The following CNTN5 variants were observed in gnomAD, a reference collection of about 807,000 sequenced individuals.
The protein encoded by CNTN5 is contactin 5.
A neutral mutation model predicts 129.1 loss-of-function variants in CNTN5; 77 were observed. That is an observed-to-expected ratio of 0.60 (90% CI 0.50 to 0.72). The LOEUF (loss-of-function observed/expected upper bound fraction) is 0.72, where lower values mean the gene tolerates loss of function less well. CNTN5 is among the 30% of genes least tolerant of loss of function. The probability of loss-of-function intolerance (pLI) is 0.00; values close to 1 mark genes in which losing one functional copy is unlikely to be tolerated. For synonymous variants in CNTN5, 509 were observed against 465.6 expected (o/e 1.09, Z -1.20); for missense variants, 1,478 against 1,328.8 (o/e 1.11, Z -1.75).
At chr11:99,960,216 G>C (rs1049081432) in intron 8 of CNTN5, among the ~76,000 whole-genome samples, 18 of 152,052 alleles carry the variant, frequency 1.2e-4, no homozygotes, top group African/African-American at 3.6e-4. Flanking sequence ...TAAGTTTACT[G>C]TTGCTTATCC....
intron 13 of CNTN5, among the ~76,000 whole-genome samples, chr11:100,124,679 C>T (rs1404170957): frequency 6.6e-6 from 1 of 152,018 alleles, no homozygotes; most frequent in East Asian, 1.9e-4. Flanking sequence ...CAGCAAAAGA[C>T]ATTTATCTTC....
At chr11:100,241,112 T>A (rs1949732352) in intron 16 of CNTN5, among the ~76,000 whole-genome samples, 1 of 152,214 alleles carries the variant, frequency 6.6e-6, no homozygotes, top group Non-Finnish European at 1.5e-5. Context: ...CATTAGCTCA[T>A]CTGTTCTTAG....
chr11:99,183,765 T>C (rs762704970), intron 1 of CNTN5, among the ~76,000 whole-genome samples: 141 of 152,254 alleles, frequency 9.3e-4, no homozygotes, highest in Non-Finnish European at 1.5e-3. Flanking sequence ...CCAACCTAAC[T>C]GCGTAAACTC....
chr11:100,134,147 G>C (rs970123698), intron 13 of CNTN5, among the ~76,000 whole-genome samples: 2 of 152,158 alleles, frequency 1.3e-5, no homozygotes, highest in Non-Finnish European at 2.9e-5. Context: ...GCAGGAGATA[G>C]AGAAGGGCTC....
intron 1 of CNTN5, among the ~76,000 whole-genome samples, chr11:99,212,910 G>A (rs932096827): frequency 1.3e-5 from 2 of 152,022 alleles, no homozygotes; most frequent in Admixed American, 6.6e-5. Context: ...TATATTTCCT[G>A]TCTGGGCGCA....
chr11:99,331,068 C>T (rs2656147), intron 2 of CNTN5, among the ~76,000 whole-genome samples: 150,585 of 152,164 alleles, frequency 0.99, 74,531 homozygotes, highest in East Asian at 1. Context: ...CAGGAAGACT[C>T]GATTTTCAAG....
chr11:99,901,169 A>G (rs1949346766), intron 6 of CNTN5, among the ~76,000 whole-genome samples: 2 of 152,218 alleles, frequency 1.3e-5, no homozygotes, highest in Non-Finnish European at 2.9e-5. Context: ...TATTCAGTAA[A>G]TGGTAGCTAT....
chr11:99,987,989 A>G (rs1294768074), intron 8 of CNTN5, among the ~76,000 whole-genome samples: 1 of 152,228 alleles, frequency 6.6e-6, no homozygotes, highest in African/African-American at 2.4e-5. Context: ...ATTCCCATCC[A>G]CTTTACATCT....
At chr11:99,190,353 T>G (rs1014570493) in intron 1 of CNTN5, among the ~76,000 whole-genome samples, 7 of 151,600 alleles carry the variant, frequency 4.6e-5, no homozygotes, top group African/African-American at 1.7e-4. Flanking sequence ...TTTATTTATT[T>G]ATTTTTCAAG....
At chr11:99,482,121 G>A (rs1032679757) in intron 2 of CNTN5, among the ~76,000 whole-genome samples, 1 of 152,068 alleles carries the variant, frequency 6.6e-6, no homozygotes, top group African/African-American at 2.4e-5. Flanking sequence ...CAATAAAAAT[G>A]CATTATTAAT....
At chr11:99,037,283 A>G (rs746028671) in intron 1 of CNTN5, among the ~76,000 whole-genome samples, 5 of 152,184 alleles carry the variant, frequency 3.3e-5, no homozygotes, top group African/African-American at 4.8e-5. Context: ...TGATGGGATA[A>G]TCTTTCAGAG....
chr11:99,857,372 C>T (rs763918501), intron 6 of CNTN5, among the ~76,000 whole-genome samples: 2 of 152,100 alleles, frequency 1.3e-5, no homozygotes, highest in East Asian at 1.9e-4. Flanking sequence ...ACAGTAGCCA[C>T]TACCCTCAAA....
intron 1 of CNTN5, among the ~76,000 whole-genome samples, chr11:99,257,872 A>G (rs1458531967): frequency 2.0e-5 from 3 of 152,084 alleles, no homozygotes; most frequent in Admixed American, 6.6e-5. Context: ...AGTAATTATC[A>G]AGTATGTCAC....
chr11:100,118,314 C>T (rs572555278), intron 13 of CNTN5, among the ~76,000 whole-genome samples: 1 of 151,886 alleles, frequency 6.6e-6, no homozygotes, highest in South Asian at 2.1e-4. Context: ...ATGAAATTTG[C>T]TAACCTCTAC....
intron 7 of CNTN5, among the ~76,000 whole-genome samples, chr11:99,919,230 A>C (rs1357730826): frequency 7.0e-6 from 1 of 142,296 alleles, no homozygotes; most frequent in East Asian, 2.1e-4. Flanking sequence ...CATTTGTTGC[A>C]GTTCTAAGAC....
chr11:99,166,910 T>A (rs2135529211), intron 1 of CNTN5, among the ~76,000 whole-genome samples: 1 of 152,268 alleles, frequency 6.6e-6, no homozygotes. Context: ...CCTTAATGAT[T>A]TTAAAATGTT....
Position 100,200,715 on chromosome 11 carries a change from G to T in CNTN5, c.1884+7052G>T, listed in dbSNP as rs577893068. On this transcript the variant is annotated intron_variant, in intron 15 of 24. Coordinates refer to ENST00000524871, the MANE Select transcript of CNTN5 (RefSeq NM_014361.4). The stretch of plus-strand genomic sequence containing the variant: ...AAGAGTACCGTAATTCCCAGAGCCA[G>T]CTAGGATATTTTAGGTTATTGGATA... Among the ~76,000 whole-genome samples the T allele has an allele frequency of 1.1e-3, 171 of 151,922 alleles. 1 individual carries two copies. The highest frequency in any genetic ancestry group is 2.2e-3 in the Non-Finnish European group (150 of 67,902).
intron 3 of CNTN5, among the ~76,000 whole-genome samples, chr11:99,615,243 C>A (rs1208925455): frequency 6.6e-6 from 1 of 151,832 alleles, no homozygotes; most frequent in Non-Finnish European, 1.5e-5. Flanking sequence ...ATGAGAGGAT[C>A]TGCTTCATTT....
chr11:99,868,989 C>A (rs925943434), intron 6 of CNTN5, among the ~76,000 whole-genome samples: 2 of 152,278 alleles, frequency 1.3e-5, no homozygotes, highest in East Asian at 3.9e-4. Context: ...TAAGTTGGAA[C>A]GTTCAGACCC....
Sources: gnomAD v4.1 joint callset for allele counts (sites outside exome capture counted in the v4.1 genomes callset) on GRCh38, gnomAD v4.1.1 for gene constraint, MANE v1.5 for transcripts, NCBI Gene and HGNC (gene_info 2026-07-23, HGNC 2026-07-21) for gene names.